HIBCH: variants seen among roughly 807,000 people sequenced by gnomAD.
The protein encoded by HIBCH is 3-hydroxyisobutyryl-CoA hydrolase, also known as 3-hydroxyisobutyryl-CoA hydrolase, mitochondrial.
A neutral mutation model predicts 58.2 loss-of-function variants in HIBCH; 50 were observed. The ratio of observed to expected loss-of-function variants is 0.86; its 90% CI spans 0.68 to 1.09. HIBCH has a LOEUF of 1.09. HIBCH is among the 50% of genes least tolerant of loss of function. The pLI is 0.00. For synonymous variants in HIBCH, 151 were observed against 146.9 expected (o/e 1.03, Z -0.20); for missense variants, 450 against 449.7 (o/e 1.00, Z -0.01).
At chr2:190,289,640 C>T (rs774892299) in intron 5 of HIBCH, among the ~76,000 whole-genome samples, 22 of 152,048 alleles carry the variant, frequency 1.4e-4, no homozygotes, top group Non-Finnish European at 1.6e-4. Flanking sequence ...AAAATATTGA[C>T]GTCTGTTAAT....
At position 190,205,082 on chromosome 2, in the gene HIBCH, C is replaced by T. The variant is rs755579997; in HGVS notation, c.*35G>A. On this transcript the variant is annotated 3_prime_UTR_variant, in exon 14 of 14. Transcript: ENST00000359678. ...GGCCCACATGCTGTAGATTGCCAAC[C>T]CATGCTACAAAATATACCTTAAAAG... 8.4e-6 allele frequency: 10 copies of T among 1,196,122 alleles called. No individual in the cohort carries two copies. Among genetic ancestry groups the T allele is most frequent in the Non-Finnish European group, 1.2e-5 (10 of 805,676 alleles). The allele number at this position is 1,196,122 out of a possible 1,614,324, so 74.1% of individuals were successfully genotyped here.
chr2:190,272,048 T>C (rs1687415094), intron 6 of HIBCH, among the ~76,000 whole-genome samples: 1 of 152,178 alleles, frequency 6.6e-6, no homozygotes, highest in Admixed American at 6.6e-5. Context: ...CTCTGGTTAA[T>C]TCCTCCTTCC....
In HIBCH at chr2:190,210,737, C is replaced by T. The variant is rs567495013; in HGVS notation, c.1012-1824G>A. On this transcript the variant is annotated intron_variant, in intron 12 of 13. Transcript: ENST00000359678. This position sits in a 1 kb window ranked among gnomAD's most constrained non-coding sequence, Gnocchi z 5.5. ...CTTCCACACGGCCTCTTTGTGGTCC[C>T]TAGCACAGGCAGTCATGCTCCAGCC... is the stretch of plus-strand genomic sequence containing the variant. Among the ~76,000 whole-genome samples the T allele has an allele frequency of 2.6e-5, 4 of 152,254 alleles. No individual in the cohort carries two copies. Among genetic ancestry groups the T allele is most frequent in the Admixed American group, 2.6e-4 (4 of 15,292 alleles).
intron 7 of HIBCH, among the ~76,000 whole-genome samples, chr2:190,260,217 A>C (rs1396753293): frequency 6.6e-6 from 1 of 152,248 alleles, no homozygotes; most frequent in Non-Finnish European, 1.5e-5. Context: ...AAAACTAATA[A>C]GTGAGTTTAG....
chr2:190,261,376 C>T, intron 6 of HIBCH, 142 bp from the exon 7 acceptor site: 1 of 653,644 alleles, frequency 1.5e-6, no homozygotes, highest in Non-Finnish European at 2.7e-6. Context: ...AATAGGTTGT[C>T]CCCACCTCTT....
chr2:190,268,541 C>CT (rs529741416), intron 6 of HIBCH, among the ~76,000 whole-genome samples: 97 of 152,252 alleles, frequency 6.4e-4, no homozygotes, highest in Middle Eastern at 3.4e-3. Context: ...AATTAAGAAA[C>CT]CTAGCTAGAT....
At position 190,310,751 on chromosome 2, in the gene HIBCH, T is replaced by G; in HGVS notation, c.78+3A>C. 1 of 1,605,178 alleles carries G rather than the reference T, an allele frequency of 6.2e-7. No homozygotes were observed. The highest frequency in any genetic ancestry group is 8.5e-7 in the Non-Finnish European group (1 of 1,171,898). ...TGCCAGCAAAACAAACACAATAACT[T>G]ACCAAATGGTGCAGTATGGTATTAG... On this transcript the variant is annotated splice_donor_region_variant and intron_variant, in intron 2 of 13. Transcript: ENST00000359678.
At chr2:190,250,227 T>C in intron 8 of HIBCH, 1 of 354,164 alleles carries the variant, frequency 2.8e-6, no homozygotes, top group Middle Eastern at 3.9e-4. Flanking sequence ...ATGTTTCCTT[T>C]ACCTGACAAT....
At chr2:190,272,439 T>C (rs1281802286) in intron 6 of HIBCH, among the ~76,000 whole-genome samples, 2 of 152,168 alleles carry the variant, frequency 1.3e-5, no homozygotes, top group East Asian at 3.8e-4. Flanking sequence ...CTCCTCCGCT[T>C]TTCTTCTCTG....
At chr2:190,234,912 T>G (rs901765777) in intron 11 of HIBCH, among the ~76,000 whole-genome samples, 1 of 151,744 alleles carries the variant, frequency 6.6e-6, no homozygotes, top group Non-Finnish European at 1.5e-5. Flanking sequence ...GAAGAGGTAG[T>G]GAGTAGGAGG....
intron 6 of HIBCH, among the ~76,000 whole-genome samples, chr2:190,266,697 G>A (rs1226085705): frequency 5.4e-5 from 8 of 148,192 alleles, no homozygotes; most frequent in Admixed American, 4.7e-4. Flanking sequence ...GCCTCCCAGA[G>A]TGCTGGGATT....
chr2:190,300,243 G>A (rs6752703), intron 2 of HIBCH, among the ~76,000 whole-genome samples: 31,009 of 152,072 alleles, frequency 0.2, 3,404 homozygotes, highest in East Asian at 0.32. Context: ...TCGCGACACC[G>A]CTTTCCACAA....
chr2:190,251,920 A>C (rs1277665077), intron 8 of HIBCH, among the ~76,000 whole-genome samples: 2 of 152,152 alleles, frequency 1.3e-5, no homozygotes, highest in Non-Finnish European at 2.9e-5. Context: ...TCACTTAAAA[A>C]TACTCACTGA....
intron 11 of HIBCH, among the ~76,000 whole-genome samples, chr2:190,241,616 A>G (rs537321910): frequency 6.6e-6 from 1 of 152,056 alleles, no homozygotes; most frequent in African/African-American, 2.4e-5. Flanking sequence ...TTTCCTTTCC[A>G]TATTTAGTGC....
chr2:190,299,504 T>TACACACAC (rs1553506569), intron 2 of HIBCH, among the ~76,000 whole-genome samples: 11 of 151,324 alleles, frequency 7.3e-5, no homozygotes, highest in African/African-American at 2.7e-4. Context: ...CAAAGTCTGA[T>TACACACAC]ACACACACAC....
At position 190,204,839 on chromosome 2, in the gene HIBCH, A is replaced by G. The variant is rs1343413474; in HGVS notation, c.*278T>C. On this transcript the variant is annotated 3_prime_UTR_variant, in exon 14 of 14. Coordinates refer to ENST00000359678, the MANE Select transcript of HIBCH (RefSeq NM_014362.4). ...CAGACAGTAAATAATTAGGCTTTGT[A>G]GGCTTTACCATCTCTATTGCAACTA... 2.9e-6 allele frequency: 1 copy of G among 342,432 alleles called. No individual in the cohort carries two copies. The highest frequency in any genetic ancestry group is 5.4e-6 in the Non-Finnish European group (1 of 184,986). 21.2% of individuals were successfully genotyped at this position (342,432 alleles called of 1,614,324 possible).
intron 11 of HIBCH, among the ~76,000 whole-genome samples, chr2:190,226,498 G>A (rs1469474247): frequency 6.6e-6 from 1 of 151,060 alleles, no homozygotes; most frequent in African/African-American, 2.4e-5. Flanking sequence ...GGGAGGCTGA[G>A]GCAGGAGAAT....
At chr2:190,220,276 A>G (rs541234947) in intron 11 of HIBCH, 2 of 152,282 alleles carry the variant, frequency 1.3e-5, no homozygotes, top group South Asian at 4.1e-4. Flanking sequence ...ACTATTTCAA[A>G]GGTTTAGACT....
chr2:190,302,936 G>A (rs1172738441), intron 2 of HIBCH, among the ~76,000 whole-genome samples: 1 of 152,214 alleles, frequency 6.6e-6, no homozygotes, highest in Admixed American at 6.5e-5. Flanking sequence ...CTATCAACAT[G>A]GCTTTTCATG....
Sources: allele counts gnomAD v4.1 joint callset (sites outside exome capture counted in the v4.1 genomes callset), GRCh38; gene constraint gnomAD v4.1.1; non-coding constraint Gnocchi (gnomAD v3.1); transcripts MANE v1.5; gene names NCBI Gene and HGNC (gene_info 2026-07-23, HGNC 2026-07-21).